Variants in PTPRN2 observed in about 807,000 individuals in gnomAD.
PTPRN2 encodes protein tyrosine phosphatase receptor type N2.
PTPRN2 carries 74 observed loss-of-function variants against 118.8 expected under a neutral mutation model. The observed-to-expected ratio is 0.62, with a 90% confidence interval of 0.52 to 0.76. PTPRN2 has a LOEUF of 0.76. Ranked by LOEUF, PTPRN2 falls within the 30% of genes least tolerant of loss-of-function variation. The probability of loss-of-function intolerance (pLI) is 0.00; values close to 1 mark genes in which losing one functional copy is unlikely to be tolerated. For synonymous variants in PTPRN2, 641 were observed against 608.0 expected (o/e 1.05, Z -0.80); for missense variants, 1,481 against 1,394.4 (o/e 1.06, Z -0.99).
intron 1 of PTPRN2, among the ~76,000 whole-genome samples, chr7:158,545,361 G>T (rs1826216589): frequency 6.6e-6 from 1 of 152,198 alleles, no homozygotes; most frequent in Admixed American, 6.5e-5. Flanking sequence ...GCAGTGGGAG[G>T]CCACATGCGT....
At chr7:158,349,832 C>T (rs1028839026) in intron 2 of PTPRN2, among the ~76,000 whole-genome samples, 1 of 149,920 alleles carries the variant, frequency 6.7e-6, no homozygotes, top group Admixed American at 6.6e-5. Flanking sequence ...TCACTGCACC[C>T]CTGGGTGGCC....
chr7:158,394,001 G>A lies in PTPRN2; in HGVS notation c.164-77069C>T, dbSNP rs76415444. Among the ~76,000 whole-genome samples, 154 of 151,454 alleles carry A rather than the reference G, an allele frequency of 1.0e-3. 3 individuals carry two copies. The East Asian group carries it at 0.028, about 28-fold the overall frequency. On this transcript the variant is annotated intron_variant, in intron 2 of 22. Coordinates refer to ENST00000389418, the MANE Select transcript of PTPRN2 (RefSeq NM_002847.5). ...CCATCAGCCCATCCACTGGCATCCTGGGTAACAATGTCCCACCCCCATGGA... is the reference window on the plus strand; with the variant it reads ...CCATCAGCCCATCCACTGGCATCCTAGGTAACAATGTCCCACCCCCATGGA...
intron 10 of PTPRN2, among the ~76,000 whole-genome samples, chr7:158,089,809 GA>G (rs1813912355): frequency 7.8e-6 from 1 of 127,980 alleles, no homozygotes; most frequent in East Asian, 2.8e-4. Flanking sequence ...CCTGACGAAA[GA>G]GGGAGTCTTC....
At chr7:158,553,295 A>C (rs1826782030) in intron 1 of PTPRN2, among the ~76,000 whole-genome samples, 1 of 142,648 alleles carries the variant, frequency 7.0e-6, no homozygotes, top group Non-Finnish European at 1.5e-5. Flanking sequence ...TAAGCACACA[A>C]AGGCTTGGGA....
intron 12 of PTPRN2, among the ~76,000 whole-genome samples, chr7:157,770,866 G>T (rs371801875): frequency 6.6e-6 from 1 of 152,228 alleles, no homozygotes; most frequent in Admixed American, 6.5e-5. Flanking sequence ...TGTGGGGGCT[G>T]TGGGCCCGCT....
At chr7:158,480,510 C>T (rs1820578480) in intron 2 of PTPRN2, among the ~76,000 whole-genome samples, 1 of 152,212 alleles carries the variant, frequency 6.6e-6, no homozygotes, top group South Asian at 2.1e-4. Flanking sequence ...GAAAGAGCCG[C>T]ACCTCTCTCA....
At chr7:157,747,535 C>T (rs1409196696) in intron 12 of PTPRN2, among the ~76,000 whole-genome samples, 6 of 96,088 alleles carry the variant, frequency 6.2e-5, no homozygotes, top group Non-Finnish European at 4.0e-5. Context: ...CTGAGGCCTG[C>T]GTCCCTGAGC....
In PTPRN2 at chr7:158,544,750, C is replaced by T. The variant is rs900095984; in HGVS notation, c.112+42808G>A. 2.0e-5 allele frequency among the ~76,000 whole-genome samples: 3 copies of T among 152,242 alleles called. No individual in the cohort carries two copies. The highest frequency in any genetic ancestry group is 2.4e-5 in the African/African-American group (1 of 41,538). ...AGATAATTCTTATTCCAGTGTAACC[C>T]GGGGATACCAAAAGATTGGGTGCCC... On this transcript the variant is annotated intron_variant, in intron 1 of 22. Transcript: ENST00000389418. This position sits in a 1 kb window ranked among gnomAD's most constrained non-coding sequence, Gnocchi z 4.2.
At chr7:157,634,398 G>C (rs150261068) in intron 14 of PTPRN2, among the ~76,000 whole-genome samples, 2 of 152,122 alleles carry the variant, frequency 1.3e-5, no homozygotes, top group Non-Finnish European at 2.9e-5. Flanking sequence ...TTCAGCTTTC[G>C]TCAAAGTAAG....
intron 9 of PTPRN2, among the ~76,000 whole-genome samples, chr7:158,133,273 G>A (rs987484631): frequency 3.9e-5 from 6 of 152,178 alleles, no homozygotes; most frequent in African/African-American, 7.2e-5. Context: ...CCGCATTCCC[G>A]CGCGGGCCGT....
At chr7:158,339,000 G>C (rs1396720122) in intron 2 of PTPRN2, among the ~76,000 whole-genome samples, 37 of 2,836 alleles carry the variant, frequency 0.013, no homozygotes, top group Non-Finnish European at 0.014. Flanking sequence ...CACACCCACA[G>C]TCTCACCATA....
At chr7:157,916,372 G>C (rs910582309) in intron 11 of PTPRN2, among the ~76,000 whole-genome samples, 9 of 152,356 alleles carry the variant, frequency 5.9e-5, no homozygotes, top group African/African-American at 2.2e-4. Flanking sequence ...GGGCTACTCA[G>C]TTCAAAATGG....
At chr7:158,059,546 A>G (rs1810140816) in intron 11 of PTPRN2, among the ~76,000 whole-genome samples, 4 of 108,438 alleles carry the variant, frequency 3.7e-5, no homozygotes, top group African/African-American at 9.2e-5. Context: ...CTGCAGTGAC[A>G]CATCACTGCA....
intron 5 of PTPRN2, among the ~76,000 whole-genome samples, chr7:158,169,534 G>C (rs926980324): frequency 6.6e-6 from 1 of 151,530 alleles, no homozygotes; most frequent in Non-Finnish European, 1.5e-5. Flanking sequence ...GCCTGCCTCA[G>C]CCTCCCAAAG....
chr7:157,718,442 C>G (rs570778455), intron 12 of PTPRN2, among the ~76,000 whole-genome samples: 1 of 152,348 alleles, frequency 6.6e-6, no homozygotes, highest in Admixed American at 6.5e-5. Flanking sequence ...CTTCACAGGG[C>G]GTGTTTGGAG....
chr7:158,122,459 A>G (rs9654713), intron 9 of PTPRN2, among the ~76,000 whole-genome samples: 103,929 of 152,048 alleles, frequency 0.68, 35,667 homozygotes, highest in Admixed American at 0.74. Flanking sequence ...TGGCATCCAC[A>G]TCACCCCGAA....
At chr7:157,907,337 G>A (rs763889997) in intron 11 of PTPRN2, among the ~76,000 whole-genome samples, 14 of 152,108 alleles carry the variant, frequency 9.2e-5, no homozygotes, top group Non-Finnish European at 1.8e-4. Context: ...GGGGTGTCCC[G>A]GGCGGTGGTG....
intron 4 of PTPRN2, among the ~76,000 whole-genome samples, chr7:158,200,693 T>A (rs1253658930): frequency 6.6e-6 from 1 of 152,158 alleles, no homozygotes; most frequent in African/African-American, 2.4e-5. Flanking sequence ...AGAGTAAAAG[T>A]TGAACAAAGT....
intron 15 of PTPRN2, among the ~76,000 whole-genome samples, chr7:157,613,845 C>G (rs1191524632): frequency 6.6e-6 from 1 of 152,290 alleles, no homozygotes; most frequent in South Asian, 2.1e-4. Flanking sequence ...GTCCTGCGGC[C>G]CCCCCACAGT....
Sources: allele counts gnomAD v4.1 joint callset (sites outside exome capture counted in the v4.1 genomes callset), GRCh38; gene constraint gnomAD v4.1.1; non-coding constraint Gnocchi (gnomAD v3.1); transcripts MANE v1.5; gene names NCBI Gene and HGNC (gene_info 2026-07-23, HGNC 2026-07-21).